TENM3: variants seen among roughly 807,000 people sequenced by gnomAD.
The protein encoded by TENM3 is teneurin-3.
Under a neutral mutation model 255.1 loss-of-function variants are expected in TENM3, and 63 were observed. The observed-to-expected ratio is 0.25, with a 90% CI of 0.20 to 0.30. The LOEUF (loss-of-function observed/expected upper bound fraction) is 0.30, where lower values mean the gene tolerates loss of function less well. Ranked by LOEUF, TENM3 falls within the 10% of genes least tolerant of loss-of-function variation. The probability of loss-of-function intolerance (pLI) is 1.00; values close to 1 mark genes in which losing one functional copy is unlikely to be tolerated. For synonymous variants in TENM3, 1,306 were observed against 1,322.3 expected, an observed-to-expected ratio of 0.99 and a Z score of 0.27; for missense variants, 2,929 against 3,461.1, an observed-to-expected ratio of 0.85 and a Z score of 3.86.
chr4:182,379,305 C>CA (rs1554057711), intron 3 of TENM3, among the ~76,000 whole-genome samples: 76 of 152,052 alleles, frequency 5.0e-4, no homozygotes, highest in Non-Finnish European at 8.8e-4. Context: ...TGCAGTGAGC[C>CA]GAGATTCTGC....
In TENM3 at chr4:182,385,408, G is replaced by C. The variant is rs1415187990; in HGVS notation, c.511+38479G>C. Among the ~76,000 whole-genome samples the C allele has an allele frequency of 1.3e-5, 2 of 151,806 alleles. 1 individual carries two copies. Among genetic ancestry groups the C allele is most frequent in the Non-Finnish European group, 2.9e-5 (2 of 67,992 alleles). On this transcript the variant is annotated intron_variant, in intron 3 of 27. Transcript: ENST00000511685. ...GCCTCCTGTGTAGCTGGGATTATAG[G>C]CACCCACAACCAAGCCCGGATAATT...
At chr4:182,286,424 T>G (rs941240105) in intron 1 of TENM3, among the ~76,000 whole-genome samples, 1 of 152,218 alleles carries the variant, frequency 6.6e-6, no homozygotes, top group Non-Finnish European at 1.5e-5. Flanking sequence ...CCTGTCTCTA[T>G]CAGAGCATAC....
At chr4:182,161,959 GTATATATA>G (rs766414090) in intron 1 of TENM3, among the ~76,000 whole-genome samples, 604 of 16,120 alleles carry the variant, frequency 0.037, 54 homozygotes, top group Middle Eastern at 0.045. Flanking sequence ...GTGTGTGTGT[GTATATATA>G]TATATATATA....
the TENM3 span, among the ~76,000 whole-genome samples, chr4:182,099,085 C>T: frequency 1.3e-5 from 2 of 151,296 alleles, no homozygotes; most frequent in Non-Finnish European, 2.9e-5. Context: ...CCTCAACCTC[C>T]CGAGTAGCTA....
chr4:181,464,264 AC>A, the TENM3 span, among the ~76,000 whole-genome samples: 2 of 152,180 alleles, frequency 1.3e-5, no homozygotes, highest in Non-Finnish European at 2.9e-5. Context: ...TTTACAATCC[AC>A]CAGCAATATA....
At chr4:182,538,357 C>G (rs140755358) in intron 3 of TENM3, among the ~76,000 whole-genome samples, 1 of 152,282 alleles carries the variant, frequency 6.6e-6, no homozygotes, top group East Asian at 1.9e-4. Flanking sequence ...CAAGTCACCA[C>G]TCAGGTCACT....
At chr4:181,769,542 T>G in the TENM3 span, among the ~76,000 whole-genome samples, 1 of 152,222 alleles carries the variant, frequency 6.6e-6, no homozygotes, top group African/African-American at 2.4e-5. Flanking sequence ...TATTTGTAAT[T>G]ATTATTAAAA....
chr4:182,450,284 A>G (rs1773340831), intron 3 of TENM3, among the ~76,000 whole-genome samples: 1 of 152,264 alleles, frequency 6.6e-6, no homozygotes, highest in Non-Finnish European at 1.5e-5. Flanking sequence ...TACTTAAGAA[A>G]GGATTGCAAA....
At chr4:181,642,448 T>C in the TENM3 span, among the ~76,000 whole-genome samples, 5 of 152,170 alleles carry the variant, frequency 3.3e-5, no homozygotes, top group African/African-American at 1.2e-4. Context: ...GTAGTTTCTT[T>C]TGCTGTGCAG....
the TENM3 span, among the ~76,000 whole-genome samples, chr4:182,063,847 A>C: frequency 5.9e-5 from 9 of 152,176 alleles, no homozygotes; most frequent in Non-Finnish European, 1.2e-4. Flanking sequence ...TGTGAATTCA[A>C]ATGAAGACTC....
the TENM3 span, among the ~76,000 whole-genome samples, chr4:181,591,058 T>A: frequency 6.6e-6 from 1 of 152,254 alleles, no homozygotes. Context: ...ATGAGTCTTA[T>A]GCAACCTTTG....
chr4:182,412,618 C>G (rs1164537628), intron 3 of TENM3, among the ~76,000 whole-genome samples: 1 of 151,988 alleles, frequency 6.6e-6, no homozygotes, highest in African/African-American at 2.4e-5. Context: ...GTAATCCCAG[C>G]ACTTTGGGAG....
At chr4:182,027,710 A>C in the TENM3 span, among the ~76,000 whole-genome samples, 4 of 152,230 alleles carry the variant, frequency 2.6e-5, no homozygotes, top group Non-Finnish European at 4.4e-5. Context: ...CTTTTTAAGC[A>C]TCGGTTGAAA....
the TENM3 span, among the ~76,000 whole-genome samples, chr4:181,456,302 C>T: frequency 6.6e-6 from 1 of 151,728 alleles, no homozygotes; most frequent in African/African-American, 2.4e-5. Context: ...TATAAAACCT[C>T]AATTTATCCT....
the TENM3 span, among the ~76,000 whole-genome samples, chr4:181,787,684 C>G: frequency 6.6e-6 from 1 of 151,950 alleles, no homozygotes; most frequent in Non-Finnish European, 1.5e-5. Context: ...AATTTTAGAC[C>G]GAGCCTCACT....
chr4:182,089,845 T>A, the TENM3 span, among the ~76,000 whole-genome samples: 2 of 152,318 alleles, frequency 1.3e-5, no homozygotes, highest in East Asian at 3.9e-4. Context: ...ATTAGGAGAT[T>A]TTACCAATGC....
the TENM3 span, among the ~76,000 whole-genome samples, chr4:181,537,963 C>T: frequency 0.21 from 32,028 of 151,984 alleles, 3,455 homozygotes; most frequent in South Asian, 0.35. Flanking sequence ...ACCCTTCATA[C>T]GTTAGGGGGA....
intron 1 of TENM3, among the ~76,000 whole-genome samples, chr4:182,288,262 G>A (rs981811933): frequency 1.3e-5 from 2 of 151,446 alleles, no homozygotes; most frequent in East Asian, 3.9e-4. Flanking sequence ...ATAGAGACAG[G>A]GTCTCTCTAT....
intron 3 of TENM3, among the ~76,000 whole-genome samples, chr4:182,531,938 A>G (rs1185023418): frequency 6.6e-6 from 1 of 152,218 alleles, no homozygotes; most frequent in Non-Finnish European, 1.5e-5. Flanking sequence ...CTGGGTTCCC[A>G]GACACCAGCC....
Sources: allele counts gnomAD v4.1 joint callset (sites outside exome capture counted in the v4.1 genomes callset), GRCh38; gene constraint gnomAD v4.1.1; transcripts MANE v1.5; gene names NCBI Gene and HGNC (gene_info 2026-07-23, HGNC 2026-07-21).